Variants in EFCAB11 observed in about 807,000 individuals in gnomAD.
EFCAB11 encodes the protein EF-hand calcium-binding domain-containing protein 11.
In EFCAB11, 14 loss-of-function variants were observed where a neutral mutation model predicts 23.0. The ratio of observed to expected loss-of-function variants is 0.61; its 90% CI spans 0.40 to 0.95. EFCAB11 has a LOEUF of 0.95. Among genes scored for constraint, EFCAB11 ranks in the 40% least tolerant of loss-of-function variants. The pLI is 0.00. For missense variants in EFCAB11, 198 were observed against 195.8 expected, an observed-to-expected ratio of 1.01 and a Z score of -0.07; for synonymous variants, 65 against 66.6, an observed-to-expected ratio of 0.98 and a Z score of 0.11.
Position 89,932,639 on chromosome 14 carries a change from G to A in EFCAB11, c.218-12C>T, listed in dbSNP as rs544469635. 6.2e-5 allele frequency: 99 copies of A among 1,595,756 alleles called. 2 individuals carry two copies. In the South Asian group the frequency reaches 1.1e-3, roughly 17 times the overall value. ...CTCGAGTAATATACCTAAAAGTTGG[G>A]GAAAAAACAATTTGTCAAAGATTAT... is the stretch of plus-strand genomic sequence containing the variant. On this transcript the variant is annotated splice_polypyrimidine_tract_variant and intron_variant, in intron 3 of 5. Coordinates refer to ENST00000316738, the MANE Select transcript of EFCAB11 (RefSeq NM_145231.4).
intron 5 of EFCAB11, among the ~76,000 whole-genome samples, chr14:89,849,191 T>C (rs536385461): frequency 1.3e-5 from 2 of 152,322 alleles, no homozygotes; most frequent in East Asian, 1.9e-4. Context: ...ACAAATGTTA[T>C]GGTTGCTTCA....
intron 5 of EFCAB11, among the ~76,000 whole-genome samples, chr14:89,833,840 A>T (rs1183857712): frequency 6.6e-6 from 1 of 151,890 alleles, no homozygotes; most frequent in Non-Finnish European, 1.5e-5. Context: ...TTCTCTCTAG[A>T]CTCTCTGCCA....
chr14:89,879,122 A>AT (rs924226962), intron 5 of EFCAB11, among the ~76,000 whole-genome samples: 14 of 149,972 alleles, frequency 9.3e-5, no homozygotes, highest in South Asian at 6.4e-4. Context: ...TATTTAGCCC[A>AT]TTTTTTTTTC....
At chr14:89,921,067 A>G (rs1280863929) in intron 5 of EFCAB11, among the ~76,000 whole-genome samples, 1 of 150,642 alleles carries the variant, frequency 6.6e-6, no homozygotes, top group Non-Finnish European at 1.5e-5. Context: ...TCTGTCTAAA[A>G]AAAAAAAAAG....
intron 5 of EFCAB11, among the ~76,000 whole-genome samples, chr14:89,886,925 C>G (rs893997776): frequency 1.3e-5 from 2 of 152,272 alleles, no homozygotes; most frequent in Admixed American, 6.5e-5. Flanking sequence ...TAACCTAAAC[C>G]TAAGGTCAGT....
intron 5 of EFCAB11, among the ~76,000 whole-genome samples, chr14:89,842,354 C>T (rs1281290231): frequency 6.6e-6 from 1 of 152,092 alleles, no homozygotes; most frequent in Non-Finnish European, 1.5e-5. Flanking sequence ...TTTGGGAGGC[C>T]GAGGCAGGTG....
At chr14:89,864,682 G>A (rs1342415563) in intron 5 of EFCAB11, among the ~76,000 whole-genome samples, 2 of 152,094 alleles carry the variant, frequency 1.3e-5, no homozygotes, top group Non-Finnish European at 2.9e-5. Context: ...CAAGTGATCT[G>A]CCTGCCTTGG....
intron 5 of EFCAB11, among the ~76,000 whole-genome samples, chr14:89,905,431 C>T (rs140732996): frequency 8.1e-4 from 124 of 152,188 alleles, no homozygotes; most frequent in African/African-American, 2.8e-3. Context: ...TCAGGTGGCA[C>T]GTGCTTAGTG....
At chr14:89,808,215 C>A (rs1009088733) in intron 5 of EFCAB11, among the ~76,000 whole-genome samples, 6 of 152,174 alleles carry the variant, frequency 3.9e-5, no homozygotes, top group Admixed American at 6.5e-5. Flanking sequence ...GGAACGAAGA[C>A]TAGCCATTGC....
At chr14:89,856,499 T>C (rs376212180) in intron 5 of EFCAB11, among the ~76,000 whole-genome samples, 9 of 152,206 alleles carry the variant, frequency 5.9e-5, no homozygotes, top group African/African-American at 2.2e-4. Flanking sequence ...TTTGAATTTC[T>C]TTAGAAATCT....
At chr14:89,909,593 A>G (rs965433460) in intron 5 of EFCAB11, among the ~76,000 whole-genome samples, 3 of 151,972 alleles carry the variant, frequency 2.0e-5, no homozygotes, top group African/African-American at 7.3e-5. Context: ...AAAACAAAAC[A>G]AAACAAAAAA....
intron 5 of EFCAB11, among the ~76,000 whole-genome samples, chr14:89,898,673 T>TTC (rs1889248188): frequency 1.3e-5 from 2 of 149,708 alleles, no homozygotes; most frequent in South Asian, 4.2e-4. Flanking sequence ...CCTCTTTTTT[T>TTC]TTTTTTTTTT....
At chr14:89,836,824 G>T (rs1445002738) in intron 5 of EFCAB11, among the ~76,000 whole-genome samples, 3 of 152,126 alleles carry the variant, frequency 2.0e-5, no homozygotes, top group Non-Finnish European at 4.4e-5. Flanking sequence ...CTCGAGACCA[G>T]CCTGGCCAAC....
chr14:89,889,778 T>C (rs939703532), intron 5 of EFCAB11, among the ~76,000 whole-genome samples: 2 of 152,246 alleles, frequency 1.3e-5, no homozygotes, highest in Non-Finnish European at 2.9e-5. Flanking sequence ...TGAGCTTCCC[T>C]GGTTGGCACA....
intron 5 of EFCAB11, among the ~76,000 whole-genome samples, chr14:89,858,115 C>T (rs1056245274): frequency 6.6e-6 from 1 of 152,154 alleles, no homozygotes; most frequent in Non-Finnish European, 1.5e-5. Flanking sequence ...CAGCCTTTCC[C>T]CTAAACGTGG....
At position 89,931,426 on chromosome 14, in the gene EFCAB11, A is replaced by G. The variant is rs1396714220; in HGVS notation, c.410+115T>C. 22 of 966,782 alleles carry G rather than the reference A, an allele frequency of 2.3e-5. 1 individual carries two copies. In the Admixed American group the frequency reaches 3.2e-4, roughly 14 times the overall value. 59.9% of individuals were successfully genotyped at this position (966,782 alleles called of 1,614,324 possible). A position where few individuals can be genotyped will look rare whatever the true frequency, so the allele number is the denominator to read the frequency against. On this transcript the variant is annotated intron_variant, in intron 5 of 5. Transcript: ENST00000316738. Reference sequence around the variant, plus strand: ...GGACCATGACACTATGCTGCAAGAGAAAAATGTTCCAGACTCAAAAATCAG... The same window carrying G: ...GGACCATGACACTATGCTGCAAGAGGAAAATGTTCCAGACTCAAAAATCAG...
At chr14:89,951,205 AACTC>A (rs1161426914) in intron 2 of EFCAB11, among the ~76,000 whole-genome samples, 6 of 152,156 alleles carry the variant, frequency 3.9e-5, no homozygotes, top group African/African-American at 1.4e-4. Flanking sequence ...TTCCAATCGA[AACTC>A]ACTGACTTCC....
At chr14:89,912,739 A>C (rs1889719176) in intron 5 of EFCAB11, among the ~76,000 whole-genome samples, 1 of 152,218 alleles carries the variant, frequency 6.6e-6, no homozygotes. Context: ...AAAGAATGCT[A>C]GGCAGTTGCT....
At chr14:89,920,740 A>G (rs1049257463) in intron 5 of EFCAB11, among the ~76,000 whole-genome samples, 3 of 152,170 alleles carry the variant, frequency 2.0e-5, no homozygotes, top group African/African-American at 7.2e-5. Context: ...ACAGAAGAGG[A>G]AAGATATTTT....
Sources: gnomAD v4.1 joint callset for allele counts (sites outside exome capture counted in the v4.1 genomes callset) on GRCh38, gnomAD v4.1.1 for gene constraint, MANE v1.5 for transcripts, NCBI Gene and HGNC (gene_info 2026-07-23, HGNC 2026-07-21) for gene names.